The following GRM8 variants were observed in gnomAD, a reference collection of about 807,000 sequenced individuals.
GRM8 encodes glutamate metabotropic receptor 8.
GRM8 carries 47 observed loss-of-function variants against 87.2 expected under a neutral mutation model. That is an observed-to-expected ratio of 0.54 (90% CI 0.43 to 0.69). The LOEUF is 0.69. Ranked by LOEUF, GRM8 falls within the 30% of genes least tolerant of loss-of-function variation. GRM8 has a pLI of 0.00. For synonymous variants in GRM8, 396 were observed against 404.5 expected, an observed-to-expected ratio of 0.98 and a Z score of 0.25; for missense variants, 1,019 against 1,139.2, an observed-to-expected ratio of 0.89 and a Z score of 1.52.
intron 7 of GRM8, among the ~76,000 whole-genome samples, chr7:126,695,075 T>C (rs890452965): frequency 3.3e-5 from 5 of 152,146 alleles, no homozygotes; most frequent in Non-Finnish European, 7.4e-5. Flanking sequence ...TAGGATTGCA[T>C]TGATGGGTGG....
At chr7:126,629,059 A>T (rs1800982350) in intron 7 of GRM8, among the ~76,000 whole-genome samples, 1 of 152,216 alleles carries the variant, frequency 6.6e-6, no homozygotes, top group African/African-American at 2.4e-5. Flanking sequence ...ATACTAAACA[A>T]CAATTCTTTA....
intron 8 of GRM8, among the ~76,000 whole-genome samples, chr7:126,584,342 A>G (rs1795894501): frequency 1.3e-5 from 2 of 152,012 alleles, no homozygotes; most frequent in African/African-American, 4.8e-5. Context: ...CTCCTGCCTC[A>G]GCCTCCTGAG....
chr7:126,573,109 C>T (rs1217407414), intron 8 of GRM8, among the ~76,000 whole-genome samples: 1 of 152,144 alleles, frequency 6.6e-6, no homozygotes, highest in Non-Finnish European at 1.5e-5. Flanking sequence ...TAAATGGCCC[C>T]AGGTTTATGG....
intron 2 of GRM8, among the ~76,000 whole-genome samples, chr7:127,127,364 GC>G (rs1167986877): frequency 1.3e-5 from 2 of 151,902 alleles, no homozygotes; most frequent in African/African-American, 4.8e-5. Context: ...ATTCACAGTA[GC>G]CCAAAATTGA....
At chr7:126,776,761 T>C (rs1471705866) in intron 6 of GRM8, among the ~76,000 whole-genome samples, 1 of 152,288 alleles carries the variant, frequency 6.6e-6, no homozygotes, top group Non-Finnish European at 1.5e-5. Context: ...GGGCAAAACA[T>C]GATCTCTCTG....
chr7:126,553,687 A>G (rs1184877845), intron 8 of GRM8, among the ~76,000 whole-genome samples: 2 of 152,208 alleles, frequency 1.3e-5, no homozygotes, highest in Non-Finnish European at 2.9e-5. Context: ...AGACTCAGAT[A>G]TTGAATGCTT....
intron 6 of GRM8, among the ~76,000 whole-genome samples, chr7:126,801,821 T>G (rs1822738969): frequency 6.6e-6 from 1 of 152,144 alleles, no homozygotes; most frequent in African/African-American, 2.4e-5. Flanking sequence ...GTGGGTTGTC[T>G]GTCTCCTTTG....
At chr7:127,119,224 C>T (rs1184069370) in intron 2 of GRM8, among the ~76,000 whole-genome samples, 1 of 152,130 alleles carries the variant, frequency 6.6e-6, no homozygotes, top group East Asian at 1.9e-4. Flanking sequence ...CGTGGTGGCT[C>T]ACACCTGTAA....
chr7:126,751,532 G>C (rs1383889918), intron 7 of GRM8, among the ~76,000 whole-genome samples: 1 of 152,094 alleles, frequency 6.6e-6, no homozygotes, highest in Admixed American at 6.6e-5. Flanking sequence ...TAAGCAACTT[G>C]CATTATTTAG....
chr7:126,757,140 G>GA (rs1411320118), intron 7 of GRM8, among the ~76,000 whole-genome samples: 1 of 152,078 alleles, frequency 6.6e-6, no homozygotes, highest in Admixed American at 6.6e-5. Context: ...GATAATGGTA[G>GA]AAATATATTT....
At chr7:127,230,470 A>G (rs1056236232) in intron 2 of GRM8, among the ~76,000 whole-genome samples, 1 of 152,216 alleles carries the variant, frequency 6.6e-6, no homozygotes, top group African/African-American at 2.4e-5. Flanking sequence ...CTCAGTTTGC[A>G]CACTCCTATC....
At chr7:127,233,599 C>T (rs1042286462) in intron 2 of GRM8, among the ~76,000 whole-genome samples, 1 of 152,174 alleles carries the variant, frequency 6.6e-6, no homozygotes, top group Non-Finnish European at 1.5e-5. Flanking sequence ...AAGTCACCAT[C>T]CACATGTCCC....
chr7:126,769,605 C>T (rs1818601256), intron 7 of GRM8, among the ~76,000 whole-genome samples: 1 of 151,924 alleles, frequency 6.6e-6, no homozygotes, highest in African/African-American at 2.4e-5. Flanking sequence ...GTGATCTCTT[C>T]AATAGTGATA....
At chr7:126,514,962 A>T (rs1811963056) in intron 9 of GRM8, among the ~76,000 whole-genome samples, 1 of 152,028 alleles carries the variant, frequency 6.6e-6, no homozygotes, top group Non-Finnish European at 1.5e-5. Context: ...TTACTAAATT[A>T]TTATAATTAC....
intron 2 of GRM8, among the ~76,000 whole-genome samples, chr7:127,138,369 T>G (rs1828062474): frequency 1.3e-5 from 2 of 152,098 alleles, no homozygotes. Flanking sequence ...GCAGAACCTT[T>G]CCATTCCCCA....
At chr7:126,832,235 G>A (rs1299883855) in intron 6 of GRM8, among the ~76,000 whole-genome samples, 1 of 151,142 alleles carries the variant, frequency 6.6e-6, no homozygotes, top group Non-Finnish European at 1.5e-5. Context: ...TAGTGGACTA[G>A]ATCCCTTATC....
At chr7:126,810,584 C>T (rs768469858) in intron 6 of GRM8, among the ~76,000 whole-genome samples, 3 of 152,124 alleles carry the variant, frequency 2.0e-5, no homozygotes, top group Admixed American at 6.5e-5. Context: ...TAAGAGCAAA[C>T]AATGCTTTTC....
chr7:126,441,882 T>C (rs1457368810), intron 10 of GRM8, among the ~76,000 whole-genome samples: 2 of 152,124 alleles, frequency 1.3e-5, no homozygotes, highest in Non-Finnish European at 2.9e-5. Flanking sequence ...CTAAAAATAG[T>C]TGACATATCT....
intron 2 of GRM8, among the ~76,000 whole-genome samples, chr7:127,225,390 A>G (rs751878988): frequency 2.0e-5 from 3 of 152,186 alleles, no homozygotes; most frequent in Non-Finnish European, 4.4e-5. Context: ...GCTCACCTTC[A>G]GCATGGTGGA....
Sources: gnomAD v4.1 joint callset for allele counts (sites outside exome capture counted in the v4.1 genomes callset) on GRCh38, gnomAD v4.1.1 for gene constraint, MANE v1.5 for transcripts, NCBI Gene and HGNC (gene_info 2026-07-23, HGNC 2026-07-21) for gene names.